The following CELF2 variants were observed in gnomAD, a reference collection of about 807,000 sequenced individuals.
CELF2 encodes the protein CUGBP Elav-like family member 2.
In CELF2, 8 loss-of-function variants were observed where a neutral mutation model predicts 62.6. The ratio of observed to expected loss-of-function variants is 0.13; its 90% confidence interval spans 0.07 to 0.23. CELF2 has a LOEUF of 0.23. CELF2 is among the 10% of genes least tolerant of loss of function. The probability of loss-of-function intolerance (pLI) is 1.00; values close to 1 mark genes in which losing one functional copy is unlikely to be tolerated. For synonymous variants in CELF2, 258 were observed against 250.0 expected, an observed-to-expected ratio of 1.03 and a Z score of -0.30; for missense variants, 333 against 671.0, an observed-to-expected ratio of 0.50 and a Z score of 5.56.
intron 1 of CELF2, among the ~76,000 whole-genome samples, chr10:10,810,470 T>A (rs1297327355): frequency 6.6e-6 from 1 of 152,140 alleles, no homozygotes; most frequent in African/African-American, 2.4e-5. Context: ...GCTTTTGGGA[T>A]CCCTAAGTCC....
intron 1 of CELF2, among the ~76,000 whole-genome samples, chr10:10,910,658 C>G (rs571381913): frequency 2.8e-5 from 4 of 143,542 alleles, no homozygotes; most frequent in Admixed American, 7.4e-5. Flanking sequence ...CGAGATCGTG[C>G]CACTGCACTC....
chr10:11,093,048 T>C (rs372445718), intron 1 of CELF2, among the ~76,000 whole-genome samples: 22 of 152,364 alleles, frequency 1.4e-4, no homozygotes, highest in African/African-American at 5.0e-4. Flanking sequence ...TACGTCTTGA[T>C]TGGCATCAGT....
upstream of CELF2, chr10:11,017,863 G>T: frequency 1.2e-6 from 1 of 813,302 alleles, no homozygotes; most frequent in South Asian, 5.5e-5. The surrounding 1 kb of genome is among the most constrained non-coding windows in gnomAD (Gnocchi z 5.5). Flanking sequence ...CGGGCGCCCC[G>T]CGAGCTCCGC....
At chr10:11,181,568 G>A (rs961929422) in intron 2 of CELF2, among the ~76,000 whole-genome samples, 1 of 152,192 alleles carries the variant, frequency 6.6e-6, no homozygotes, top group African/African-American at 2.4e-5. Flanking sequence ...CAGTGCATAT[G>A]CCATTGCATC....
At chr10:10,800,826 T>C (rs115032900) in intron 1 of CELF2, among the ~76,000 whole-genome samples, 322 of 152,348 alleles carry the variant, frequency 2.1e-3, no homozygotes, top group Middle Eastern at 3.4e-3. Flanking sequence ...GTTCTTAGGA[T>C]ACATCTATTA....
chr10:10,606,307 G>A, the CELF2 span, among the ~76,000 whole-genome samples: 1 of 152,134 alleles, frequency 6.6e-6, no homozygotes, highest in African/African-American at 2.4e-5. Flanking sequence ...AAGGATTTAG[G>A]CTGTAATGGA....
In CELF2 at chr10:11,034,390, A is replaced by G. The variant is rs149179825; in HGVS notation, c.74+16227A>G. 4.8e-3 allele frequency among the ~76,000 whole-genome samples: 729 copies of G among 151,948 alleles called. 8 individuals are homozygous for G. The highest frequency in any genetic ancestry group is 0.016 in the African/African-American group (645 of 41,406). ...TTTTTGCTGCGTCTAGATCCCTCCT[A>G]GATGTGTTAAAAATATTTCATGTGT... On this transcript the variant is annotated intron_variant, in intron 1 of 12. Coordinates refer to ENST00000633077, the MANE Select transcript of CELF2 (RefSeq NM_001326342.2).
the CELF2 span, among the ~76,000 whole-genome samples, chr10:10,597,956 G>C: frequency 6.6e-6 from 1 of 152,116 alleles, no homozygotes; most frequent in South Asian, 2.1e-4. Flanking sequence ...GTAGGCATGA[G>C]CCCTTTAATG....
intron 1 of CELF2, among the ~76,000 whole-genome samples, chr10:10,824,192 A>C (rs2057199729): frequency 6.6e-6 from 1 of 152,216 alleles, no homozygotes; most frequent in Non-Finnish European, 1.5e-5. Flanking sequence ...GGTATATTAA[A>C]ATCTATGCAA....
At chr10:10,490,687 G>C in the CELF2 span, among the ~76,000 whole-genome samples, 2 of 152,092 alleles carry the variant, frequency 1.3e-5, no homozygotes, top group Admixed American at 6.6e-5. Context: ...AGAACATAGG[G>C]ATATGAGGAT....
chr10:10,626,813 A>G, the CELF2 span, among the ~76,000 whole-genome samples: 1 of 152,328 alleles, frequency 6.6e-6, no homozygotes, highest in African/African-American at 2.4e-5. Context: ...TCACGTGTTT[A>G]CAATAGAATT....
At chr10:11,212,319 G>T (rs920822177) in intron 2 of CELF2, among the ~76,000 whole-genome samples, 1 of 152,054 alleles carries the variant, frequency 6.6e-6, no homozygotes, top group African/African-American at 2.4e-5. Context: ...TGGCTGCCCC[G>T]AGATGCTCCC....
intron 1 of CELF2, among the ~76,000 whole-genome samples, chr10:11,033,348 C>G (rs940628494): frequency 5.9e-5 from 9 of 152,020 alleles, no homozygotes; most frequent in East Asian, 1.9e-4. Flanking sequence ...ACTTCCACCC[C>G]CCAGGTTCAA....
At chr10:10,818,553 T>A (rs913490730) in intron 1 of CELF2, among the ~76,000 whole-genome samples, 1 of 150,010 alleles carries the variant, frequency 6.7e-6, no homozygotes, top group Non-Finnish European at 1.5e-5. Flanking sequence ...TTCCTTTTTT[T>A]TTTTTTTTTT....
the CELF2 span, among the ~76,000 whole-genome samples, chr10:10,771,499 C>T: frequency 1.3e-5 from 2 of 152,212 alleles, no homozygotes; most frequent in Non-Finnish European, 2.9e-5. Flanking sequence ...GCTGTGTCCC[C>T]ACCCAAATCT....
the CELF2 span, among the ~76,000 whole-genome samples, chr10:10,663,612 G>A: frequency 6.6e-6 from 1 of 152,180 alleles, no homozygotes; most frequent in Non-Finnish European, 1.5e-5. Flanking sequence ...GAGTAAAATT[G>A]TTTGTGGATG....
chr10:10,555,977 G>A, the CELF2 span, among the ~76,000 whole-genome samples: 2 of 152,016 alleles, frequency 1.3e-5, no homozygotes, highest in African/African-American at 4.8e-5. Flanking sequence ...TTTCCTATGT[G>A]TATATATAAT....
intron 2 of CELF2, among the ~76,000 whole-genome samples, chr10:11,199,717 C>T (rs1238670305): frequency 1.3e-5 from 2 of 152,200 alleles, no homozygotes; most frequent in East Asian, 1.9e-4. Context: ...AAGTTAGCCT[C>T]GATGGCTGGA....
chr10:10,675,947 T>A, the CELF2 span, among the ~76,000 whole-genome samples: 2 of 152,226 alleles, frequency 1.3e-5, no homozygotes, highest in East Asian at 1.9e-4. Context: ...AACTTCCCAG[T>A]ATGTTTGGTT....
Sources: allele counts gnomAD v4.1 joint callset (sites outside exome capture counted in the v4.1 genomes callset), GRCh38; gene constraint gnomAD v4.1.1; non-coding constraint Gnocchi (gnomAD v3.1); transcripts MANE v1.5; gene names NCBI Gene and HGNC (gene_info 2026-07-23, HGNC 2026-07-21).